The following MYT1L variants were observed in gnomAD, a reference collection of about 807,000 sequenced individuals.
The protein encoded by MYT1L is myelin transcription factor 1-like protein.
MYT1L carries 12 observed loss-of-function variants against 126.7 expected under a neutral mutation model. That is an observed-to-expected ratio of 0.09 (90% CI 0.06 to 0.15). The LOEUF (loss-of-function observed/expected upper bound fraction) is 0.15, where lower values mean the gene tolerates loss of function less well. MYT1L is among the 10% of genes least tolerant of loss of function. The pLI, the probability that MYT1L is intolerant of heterozygous loss-of-function variation, is 1.00. For synonymous variants in MYT1L, 541 were observed against 604.2 expected, an observed-to-expected ratio of 0.90 and a Z score of 1.53; for missense variants, 979 against 1,585.2, an observed-to-expected ratio of 0.62 and a Z score of 6.49.
At chr2:2,288,153 A>G (rs1211572229) in intron 1 of MYT1L, among the ~76,000 whole-genome samples, 1 of 152,158 alleles carries the variant, frequency 6.6e-6, no homozygotes, top group Admixed American at 6.5e-5. Flanking sequence ...CTGAATAGGA[A>G]TTGTCATTTA....
At chr2:2,159,024 C>T (rs1388058058) in intron 3 of MYT1L, among the ~76,000 whole-genome samples, 2 of 152,202 alleles carry the variant, frequency 1.3e-5, no homozygotes, top group Non-Finnish European at 2.9e-5. Context: ...TCTAACCTAA[C>T]ATCTAAAACA....
intron 8 of MYT1L, among the ~76,000 whole-genome samples, chr2:1,949,314 G>A (rs1226923168): frequency 1.3e-5 from 2 of 152,194 alleles, no homozygotes; most frequent in African/African-American, 4.8e-5. Context: ...GCCTTTCCAT[G>A]TTTTCACCCT....
intron 18 of MYT1L, among the ~76,000 whole-genome samples, chr2:1,873,958 G>A (rs556119718): frequency 2.0e-5 from 3 of 152,132 alleles, no homozygotes; most frequent in Admixed American, 6.5e-5. Context: ...CAAAGATACC[G>A]GACTCTATGA....
At chr2:2,047,402 T>G (rs1482991915) in intron 4 of MYT1L, among the ~76,000 whole-genome samples, 1 of 152,210 alleles carries the variant, frequency 6.6e-6, no homozygotes, top group Admixed American at 6.5e-5. Flanking sequence ...CTAATGAAAA[T>G]GATACATCTG....
At chr2:1,884,867 C>T (rs760979438) in intron 18 of MYT1L, among the ~76,000 whole-genome samples, 2 of 152,194 alleles carry the variant, frequency 1.3e-5, no homozygotes, top group Non-Finnish European at 2.9e-5. Flanking sequence ...TCGGAAAATG[C>T]TAAAGGTGGG....
At chr2:1,915,419 C>T (rs948308822) in intron 11 of MYT1L, among the ~76,000 whole-genome samples, 1 of 152,156 alleles carries the variant, frequency 6.6e-6, no homozygotes, top group African/African-American at 2.4e-5. Context: ...CGAAGGGCAC[C>T]TTGCCAGTCC....
intron 9 of MYT1L, among the ~76,000 whole-genome samples, chr2:1,939,680 T>A (rs1368661571): frequency 6.6e-6 from 1 of 152,126 alleles, no homozygotes; most frequent in Non-Finnish European, 1.5e-5. Flanking sequence ...TAACTAGGAG[T>A]TTGATCACGT....
At chr2:2,063,485 C>G (rs1448201699) in intron 3 of MYT1L, among the ~76,000 whole-genome samples, 1 of 152,072 alleles carries the variant, frequency 6.6e-6, no homozygotes. Flanking sequence ...ACTAGGGGTG[C>G]CTGTGCCCCC....
At chr2:2,053,772 A>G (rs1460585468) in intron 4 of MYT1L, among the ~76,000 whole-genome samples, 1 of 152,228 alleles carries the variant, frequency 6.6e-6, no homozygotes, top group Non-Finnish European at 1.5e-5. Context: ...ACTTGAGTCT[A>G]TGTTTACCAA....
chr2:2,152,802 A>G (rs898347552), intron 3 of MYT1L, among the ~76,000 whole-genome samples: 14 of 152,272 alleles, frequency 9.2e-5, no homozygotes, highest in African/African-American at 3.4e-4. Context: ...GTAGATTATT[A>G]AACAAGCTAT....
intron 9 of MYT1L, among the ~76,000 whole-genome samples, chr2:1,931,107 T>G (rs2054909680): frequency 6.6e-6 from 1 of 152,154 alleles, no homozygotes; most frequent in Non-Finnish European, 1.5e-5. Flanking sequence ...CGGGTCCTGC[T>G]GAGACAGCAG....
intron 8 of MYT1L, among the ~76,000 whole-genome samples, chr2:1,956,565 TATTTC>T (rs2058465165): frequency 6.8e-6 from 1 of 146,506 alleles, no homozygotes; most frequent in African/African-American, 2.6e-5. Flanking sequence ...TCCTATTCTA[TATTTC>T]CTATTCTATC....
intron 5 of MYT1L, among the ~76,000 whole-genome samples, chr2:1,984,220 T>C (rs943638669): frequency 6.6e-6 from 1 of 152,178 alleles, no homozygotes; most frequent in African/African-American, 2.4e-5. Flanking sequence ...ATAATGTATA[T>C]ATATTTGATA....
At chr2:1,920,865 A>C (rs2053481630) in intron 10 of MYT1L, among the ~76,000 whole-genome samples, 1 of 152,252 alleles carries the variant, frequency 6.6e-6, no homozygotes, top group South Asian at 2.1e-4. Flanking sequence ...TCTAAAAAAC[A>C]ATCCCTTCGC....
At chr2:1,823,974 C>G (rs770025276) in intron 21 of MYT1L, among the ~76,000 whole-genome samples, 18 of 151,570 alleles carry the variant, frequency 1.2e-4, no homozygotes, top group Non-Finnish European at 1.8e-4. Flanking sequence ...GTCCCTGGCA[C>G]GACCCATGGG....
intron 2 of MYT1L, among the ~76,000 whole-genome samples, chr2:2,222,124 T>C (rs749419162): frequency 1.3e-5 from 2 of 152,168 alleles, no homozygotes; most frequent in Non-Finnish European, 2.9e-5. Flanking sequence ...GACTATTGGA[T>C]GTTAGAGCTC....
At position 2,099,807 on chromosome 2, in the gene MYT1L, T is replaced by C. The variant is rs571101172; in HGVS notation, c.-303-45684A>G. The stretch of plus-strand genomic sequence containing the variant: ...GCATTTTAAGGTATGAATTCCGTTA[T>C]CTTCACAGAATCGCATTAAGACTAA... On this transcript the variant is annotated intron_variant, in intron 3 of 24. Coordinates refer to ENST00000647738, the MANE Select transcript of MYT1L (RefSeq NM_001303052.2). Among the ~76,000 whole-genome samples, 9 of 152,378 alleles carry C rather than the reference T, an allele frequency of 5.9e-5. No individual in the cohort carries two copies. The South Asian group carries it at 1.7e-3, about 28-fold the overall frequency.
rs979485716 is a variant in MYT1L at position 1,801,607 on chromosome 2, C to T, written c.3276+89G>A. ...TAAAAGAGCAAATAAGAGGAAACGA[C>T]AGCTCTCCTAAAAGCTGATTTCATG... On this transcript the variant is annotated intron_variant, in intron 23 of 24. Transcript: ENST00000647738. This position sits in a 1 kb window ranked among gnomAD's most constrained non-coding sequence, Gnocchi z 4.2. 6.3e-6 allele frequency: 5 copies of T among 788,112 alleles called. No homozygotes were observed. In the African/African-American group the frequency reaches 7.0e-5, roughly 11 times the overall value. 48.8% of individuals were successfully genotyped at this position (788,112 alleles called of 1,614,324 possible).
chr2:2,134,813 T>A (rs553039502), intron 3 of MYT1L, among the ~76,000 whole-genome samples: 1 of 152,340 alleles, frequency 6.6e-6, no homozygotes, highest in African/African-American at 2.4e-5. Context: ...TCTTTCCTCG[T>A]CTGTGGCTAA....
Sources: allele counts gnomAD v4.1 joint callset (sites outside exome capture counted in the v4.1 genomes callset), GRCh38; gene constraint gnomAD v4.1.1; non-coding constraint Gnocchi (gnomAD v3.1); transcripts MANE v1.5; gene names NCBI Gene and HGNC (gene_info 2026-07-23, HGNC 2026-07-21).